Variants in ALPK1 observed in about 807,000 individuals in gnomAD.
ALPK1 encodes the protein alpha kinase 1.
Under a neutral mutation model 120.6 loss-of-function variants are expected in ALPK1, and 110 were observed. The ratio of observed to expected loss-of-function variants is 0.91; its 90% CI spans 0.78 to 1.07. The LOEUF (loss-of-function observed/expected upper bound fraction) is 1.07, where lower values mean the gene tolerates loss of function less well. Among genes scored for constraint, ALPK1 ranks in the 50% least tolerant of loss-of-function variants. The probability of loss-of-function intolerance (pLI) is 0.00; values close to 1 mark genes in which losing one functional copy is unlikely to be tolerated. For synonymous variants in ALPK1, 582 were observed against 560.3 expected (o/e 1.04, Z -0.55); for missense variants, 1,498 against 1,483.9 (o/e 1.01, Z -0.16).
At chr4:112,356,851 C>T in intron 2 of ALPK1, 1 of 733,630 alleles carries the variant, frequency 1.4e-6, no homozygotes, top group Non-Finnish European at 2.6e-6. Flanking sequence ...ACAACATTGA[C>T]CTTAAGGGGA....
At position 112,439,877 on chromosome 4, in the gene ALPK1, G is replaced by T; in HGVS notation, c.3538+5G>T. The T allele has an allele frequency of 6.4e-7, 1 of 1,571,206 alleles. No individual in the cohort carries two copies. Among genetic ancestry groups the T allele is most frequent in the East Asian group, 2.3e-5 (1 of 44,158 alleles). On this transcript the variant is annotated splice_donor_5th_base_variant and intron_variant, in intron 14 of 15. Coordinates refer to ENST00000650871, the MANE Select transcript of ALPK1 (RefSeq NM_025144.4). ...ATGTTGTGGTCGATTTACAAGGTATGTGAAACTGGGAATTATTTTTATTTT... is the reference window on the plus strand; with the variant it reads ...ATGTTGTGGTCGATTTACAAGGTATTTGAAACTGGGAATTATTTTTATTTT...
At position 112,367,756 on chromosome 4, in the gene ALPK1, A is replaced by G. The variant is rs183292582; in HGVS notation, c.-100-9922A>G. Among the ~76,000 whole-genome samples, 235 of 152,294 alleles carry G rather than the reference A, an allele frequency of 1.5e-3. 3 individuals are homozygous for G. Among genetic ancestry groups the G allele is most frequent in the Admixed American group, 0.015 (226 of 15,294 alleles). ...TTCCCATCTAAGACTCTGATTAGAC[A>G]TATGTTAGACCTTTTCTACAAATTA... On this transcript the variant is annotated intron_variant, in intron 2 of 15. Coordinates refer to ENST00000650871, the MANE Select transcript of ALPK1 (RefSeq NM_025144.4).
rs553713249 is a variant in ALPK1, at chr4:112,320,840, G to A, written c.-101+4988G>A. ...TTCATGTGTGTAAAGGTTTTCAGTA[G>A]CCTTGAATGATCTTTTGTATTTCTG... On this transcript the variant is annotated intron_variant, in intron 2 of 15. Transcript: ENST00000650871. Among the ~76,000 whole-genome samples, 22 of 151,168 alleles carry A rather than the reference G, an allele frequency of 1.5e-4. No individual in the cohort carries two copies. In the South Asian group the frequency reaches 4.6e-3, roughly 32 times the overall value.
chr4:112,314,463 G>A (rs897308693), intron 1 of ALPK1, among the ~76,000 whole-genome samples: 4 of 152,176 alleles, frequency 2.6e-5, no homozygotes, highest in African/African-American at 9.7e-5. Context: ...TGTGATTGAT[G>A]ATAACAAAAT....
At chr4:112,357,511 C>T (rs930321819) in intron 2 of ALPK1, 84 of 836,456 alleles carry the variant, frequency 1.0e-4, no homozygotes, top group South Asian at 4.8e-4. Context: ...CCACAGCATG[C>T]GCAAGCTGGT....
chr4:112,349,762 C>G (rs1730266944), intron 2 of ALPK1, among the ~76,000 whole-genome samples: 3 of 152,096 alleles, frequency 2.0e-5, no homozygotes, highest in Admixed American at 2.0e-4. Flanking sequence ...CCGTGTTAGC[C>G]AGGATGGTCT....
At position 112,432,536 on chromosome 4, in the gene ALPK1, G is replaced by C. The variant is rs148302623; in HGVS notation, c.2989G>C (p.Glu997Gln). 2.5e-6 allele frequency: 4 copies of C among 1,614,074 alleles called. No homozygotes were observed. Among genetic ancestry groups the C allele is most frequent in the Middle Eastern group, 1.6e-4 (1 of 6,062 alleles). The part of the protein sequence containing the change: ...VRHDWLFQRL[E>Q]NTGVFKPSQL... ...GCATGATTGGCTGTTTCAGAGACTA[G>C]AGAATACGGGGGTTTTTAAGCCCAG... is the stretch of plus-strand genomic sequence containing the variant. The change falls in exon 11 of 16, where the codon GAG (glutamate) becomes CAG (glutamine). Residue 997 changes from glutamate to glutamine, a missense_variant. By Grantham distance (29) the Glu-to-Gln change is conservative. Coordinates refer to ENST00000650871, the MANE Select transcript of ALPK1 (RefSeq NM_025144.4).
chr4:112,300,820 C>T (rs1299031797), intron 1 of ALPK1, among the ~76,000 whole-genome samples: 2 of 151,772 alleles, frequency 1.3e-5, no homozygotes, highest in African/African-American at 2.4e-5. Flanking sequence ...TAATTTATAT[C>T]TGCACATATT....
chr4:112,366,125 A>T (rs1438351472), intron 2 of ALPK1, among the ~76,000 whole-genome samples: 2 of 152,218 alleles, frequency 1.3e-5, no homozygotes, highest in African/African-American at 4.8e-5. Context: ...CATTGGAAAA[A>T]TCTTACTAGA....
chr4:112,322,352 A>C (rs1728899877), intron 2 of ALPK1, among the ~76,000 whole-genome samples: 1 of 152,198 alleles, frequency 6.6e-6, no homozygotes, highest in Non-Finnish European at 1.5e-5. Context: ...TTTAGAGATG[A>C]CAAAAGGCAT....
At chr4:112,427,430 G>GTATTTTTAAAAATTGATTTTTAAAAATAT in intron 8 of ALPK1, 140 bp from the exon 9 acceptor site, 1 of 187,096 alleles carries the variant, frequency 5.3e-6, no homozygotes, top group African/African-American at 4.7e-5. Context: ...TTTAAAAATA[G>GTATTTTTAAAAATTGATTTTTAAAAATAT]TATCTCCAAT....
chr4:112,431,461 G>T lies in ALPK1; in HGVS notation c.1914G>T (p.Met638Ile), dbSNP rs1297760278. 1.2e-6 allele frequency: 2 copies of T among 1,614,212 alleles called. No homozygotes were observed. The highest frequency in any genetic ancestry group is 8.5e-7 in the Non-Finnish European group (1 of 1,180,042). The stretch of plus-strand genomic sequence containing the variant: ...AGAATGACAGGGAAGGCAGAGCTAT[G>T]CATTCATTGCATTCACAGCTTCATG... Reference protein sequence around the residue: ...ELENDREGRAMHSLHSQLHDL... With the variant: ...ELENDREGRAIHSLHSQLHDL... The change falls in exon 11 of 16, where the codon ATG becomes ATT. Residue 638 changes from methionine (M) to isoleucine (I), a missense_variant. By Grantham distance (10) the Met-to-Ile change is conservative. Coordinates refer to ENST00000650871, the MANE Select transcript of ALPK1 (RefSeq NM_025144.4).
In ALPK1 at chr4:112,432,207, C is replaced by T. The variant is rs1394251620; in HGVS notation, c.2660C>T (p.Thr887Ile). Residue 887 changes from threonine to isoleucine, a missense_variant, in exon 11 of 16, where the codon ACC (threonine) becomes ATC (isoleucine). Coordinates refer to ENST00000650871, the MANE Select transcript of ALPK1 (RefSeq NM_025144.4). ...LRQPPGQRAETPNSSVSGNIL... is the reference protein window; with the variant it reads ...LRQPPGQRAEIPNSSVSGNIL... ...CAGCCGCCTGGTCAGAGGGCGGAGA[C>T]CCCCAATTCCTCTGTAAGCGGTAAC... The T allele has an allele frequency of 3.7e-6, 6 of 1,614,076 alleles. No individual in the cohort carries two copies. In the Admixed American group the frequency reaches 1.0e-4, roughly 27 times the overall value.
intron 2 of ALPK1, among the ~76,000 whole-genome samples, chr4:112,354,486 GAC>G (rs1730508586): frequency 6.6e-6 from 1 of 151,922 alleles, no homozygotes; most frequent in South Asian, 2.1e-4. Flanking sequence ...TTTGTTTTCA[GAC>G]ACAGTCTTAC....
chr4:112,398,622 G>A (rs954696136), intron 4 of ALPK1, among the ~76,000 whole-genome samples: 2 of 152,102 alleles, frequency 1.3e-5, no homozygotes, highest in African/African-American at 4.8e-5. Flanking sequence ...TTTTAAATGT[G>A]ATGAGAAGCC....
chr4:112,314,366 G>GTTGGATT (rs61605187), intron 1 of ALPK1, among the ~76,000 whole-genome samples: 12,867 of 152,198 alleles, frequency 0.085, 820 homozygotes, highest in Admixed American at 0.21. Context: ...TTTTAGGATT[G>GTTGGATT]TTGGATTTTG....
At chr4:112,347,698 AT>A (rs1730159209) in intron 2 of ALPK1, among the ~76,000 whole-genome samples, 1 of 152,250 alleles carries the variant, frequency 6.6e-6, no homozygotes. Flanking sequence ...TACAACAGAT[AT>A]TCAGTAAATG....
intron 4 of ALPK1, among the ~76,000 whole-genome samples, chr4:112,406,052 T>C (rs1167326122): frequency 6.6e-6 from 1 of 152,158 alleles, no homozygotes; most frequent in Non-Finnish European, 1.5e-5. Context: ...GTGCGAACTC[T>C]GTGGAAAACA....
At chr4:112,309,022 C>G (rs1052575804) in intron 1 of ALPK1, among the ~76,000 whole-genome samples, 8 of 152,170 alleles carry the variant, frequency 5.3e-5, no homozygotes, top group Admixed American at 2.6e-4. Flanking sequence ...ACTCCAGACC[C>G]TGTTTGCCTG....
Sources: allele counts gnomAD v4.1 joint callset (sites outside exome capture counted in the v4.1 genomes callset), GRCh38; gene constraint gnomAD v4.1.1; transcripts MANE v1.5; gene names NCBI Gene and HGNC (gene_info 2026-07-23, HGNC 2026-07-21).